The following KLHL32 variants were observed in gnomAD, a reference collection of about 807,000 sequenced individuals.
KLHL32 encodes kelch like family member 32, also known as kelch-like protein 32.
Under a neutral mutation model 64.8 loss-of-function variants are expected in KLHL32, and 35 were observed. The ratio of observed to expected loss-of-function variants is 0.54; its 90% CI spans 0.41 to 0.72. KLHL32 has a LOEUF of 0.72. KLHL32 is among the 30% of genes least tolerant of loss of function. KLHL32 has a pLI of 0.00. For missense variants in KLHL32, 589 were observed against 768.5 expected (o/e 0.77, Z 2.76); for synonymous variants, 259 against 281.0 (o/e 0.92, Z 0.78).
intron 7 of KLHL32, among the ~76,000 whole-genome samples, chr6:97,118,507 T>C (rs1418535461): frequency 6.7e-6 from 1 of 150,084 alleles, no homozygotes; most frequent in Non-Finnish European, 1.5e-5. Flanking sequence ...TAATCGCAGC[T>C]ACTTGGGAGG....
chr6:97,089,998 C>A (rs1793999797), intron 6 of KLHL32, among the ~76,000 whole-genome samples: 1 of 152,028 alleles, frequency 6.6e-6, no homozygotes, highest in Admixed American at 6.6e-5. Flanking sequence ...TGCATAAACC[C>A]AAGTTATGTC....
intron 1 of KLHL32, among the ~76,000 whole-genome samples, chr6:96,925,491 A>AT (rs1406500802): frequency 6.6e-6 from 1 of 152,170 alleles, no homozygotes. Context: ...CGTCAGATGA[A>AT]TTTTTCAACG....
intron 7 of KLHL32, among the ~76,000 whole-genome samples, chr6:97,125,072 G>A (rs914230334): frequency 7.9e-5 from 12 of 152,220 alleles, no homozygotes; most frequent in African/African-American, 2.7e-4. Flanking sequence ...GGAGGCTCAT[G>A]TCTGTGTTCT....
At chr6:96,902,127 A>G in the KLHL32 span, among the ~76,000 whole-genome samples, 1 of 152,184 alleles carries the variant, frequency 6.6e-6, no homozygotes, top group East Asian at 1.9e-4. Flanking sequence ...GGGCTTGGAT[A>G]GTATTTCTGC....
chr6:97,023,489 G>C lies in KLHL32; in HGVS notation c.205-18003G>C, dbSNP rs942491611. Among the ~76,000 whole-genome samples, 3 of 152,148 alleles carry C rather than the reference G, an allele frequency of 2.0e-5. No individual in the cohort carries two copies. In the South Asian group the frequency reaches 6.2e-4, roughly 32 times the overall value. On this transcript the variant is annotated intron_variant, in intron 3 of 10. Transcript: ENST00000369261. The stretch of plus-strand genomic sequence containing the variant: ...TATCCTTACAGAAGCTGCTGTGGGG[G>C]TGGGAAACACAAGGGTCACTGTCTC...
At chr6:97,102,836 A>T (rs1055120420) in intron 6 of KLHL32, among the ~76,000 whole-genome samples, 1 of 151,990 alleles carries the variant, frequency 6.6e-6, no homozygotes, top group South Asian at 2.1e-4. Context: ...AATGGTATAT[A>T]TACATATAAC....
intron 5 of KLHL32, among the ~76,000 whole-genome samples, chr6:97,067,621 A>G (rs1037247640): frequency 6.6e-6 from 1 of 152,144 alleles, no homozygotes; most frequent in African/African-American, 2.4e-5. Flanking sequence ...AGTGTTTTGC[A>G]GGGACTCCCA....
intron 3 of KLHL32, among the ~76,000 whole-genome samples, chr6:97,031,448 G>T (rs1464877198): frequency 6.6e-6 from 1 of 151,828 alleles, no homozygotes; most frequent in Non-Finnish European, 1.5e-5. Context: ...TGATCCTCCT[G>T]CCTCACCGTC....
chr6:97,091,533 T>C (rs1416519094), intron 6 of KLHL32, among the ~76,000 whole-genome samples: 1 of 152,194 alleles, frequency 6.6e-6, no homozygotes, highest in Admixed American at 6.5e-5. Flanking sequence ...GATGTGGGGC[T>C]TTCCGCTTGC....
At chr6:97,039,066 G>C (rs1784715123) in intron 3 of KLHL32, among the ~76,000 whole-genome samples, 1 of 149,448 alleles carries the variant, frequency 6.7e-6, no homozygotes, top group Non-Finnish European at 1.5e-5. Flanking sequence ...CTCCAGCCTG[G>C]GTGGCAGAGC....
intron 1 of KLHL32, among the ~76,000 whole-genome samples, chr6:96,939,163 A>C (rs545984476): frequency 6.6e-6 from 1 of 152,196 alleles, no homozygotes; most frequent in Admixed American, 6.5e-5. Flanking sequence ...GCAGGATGAA[A>C]GTTAGAAAAT....
rs1781297209 is a variant in KLHL32 at position 97,016,979 on chromosome 6, T to C, written c.205-24513T>C. ...CCTTCCACCATTATTGTAAGTTTCC[T>C]GAAGCCTCCCCAGCCATGTGGAACT... On this transcript the variant is annotated intron_variant, in intron 3 of 10. Transcript: ENST00000369261. Among the ~76,000 whole-genome samples, 3 of 152,330 alleles carry C rather than the reference T, an allele frequency of 2.0e-5. No homozygotes were observed. In the South Asian group the frequency reaches 6.2e-4, roughly 32 times the overall value.
chr6:97,097,024 A>G (rs1050453793), intron 6 of KLHL32, among the ~76,000 whole-genome samples: 1 of 152,200 alleles, frequency 6.6e-6, no homozygotes, highest in African/African-American at 2.4e-5. Flanking sequence ...ACCCACTTAA[A>G]GCCTCAGCTG....
chr6:96,913,864 T>C, the KLHL32 span, among the ~76,000 whole-genome samples: 3 of 152,190 alleles, frequency 2.0e-5, no homozygotes, highest in Admixed American at 6.5e-5. Context: ...CATGTGCTAA[T>C]TCTTAAAGTC....
intron 4 of KLHL32, among the ~76,000 whole-genome samples, chr6:97,061,809 A>G (rs1788958710): frequency 6.6e-6 from 1 of 152,178 alleles, no homozygotes; most frequent in Admixed American, 6.5e-5. Context: ...AATCATGAGG[A>G]GACTTGACCT....
chr6:96,978,418 G>C (rs1775942477), intron 3 of KLHL32, among the ~76,000 whole-genome samples: 1 of 152,126 alleles, frequency 6.6e-6, no homozygotes, highest in Admixed American at 6.6e-5. Context: ...TCCCATGTTA[G>C]TTAGCTTAGA....
At chr6:97,045,569 C>T (rs936355062) in intron 4 of KLHL32, among the ~76,000 whole-genome samples, 15 of 152,160 alleles carry the variant, frequency 9.9e-5, no homozygotes, top group African/African-American at 3.6e-4. Context: ...AGGCAATGGT[C>T]TGTAAAGCAT....
intron 1 of KLHL32, among the ~76,000 whole-genome samples, chr6:96,930,158 C>A (rs953343632): frequency 6.6e-6 from 1 of 152,094 alleles, no homozygotes; most frequent in Non-Finnish European, 1.5e-5. Context: ...TCAGTGAGAA[C>A]ATATTTGATG....
chr6:96,975,580 G>T (rs1018437317), intron 2 of KLHL32, among the ~76,000 whole-genome samples: 9 of 152,168 alleles, frequency 5.9e-5, no homozygotes, highest in African/African-American at 2.2e-4. Flanking sequence ...GAATTAGAGA[G>T]AGGGGACAGA....
Sources: allele counts gnomAD v4.1 joint callset (sites outside exome capture counted in the v4.1 genomes callset), GRCh38; gene constraint gnomAD v4.1.1; transcripts MANE v1.5; gene names NCBI Gene and HGNC (gene_info 2026-07-23, HGNC 2026-07-21).